The following XIRP2 variants were observed in gnomAD, a reference collection of about 807,000 sequenced individuals.
The protein encoded by XIRP2 is xin actin-binding repeat-containing protein 2.
A neutral mutation model predicts 277.0 loss-of-function variants in XIRP2; 236 were observed. That is an observed-to-expected ratio of 0.85 (90% CI 0.77 to 0.95). XIRP2 has a LOEUF of 0.95. Ranked by LOEUF, XIRP2 falls within the 40% of genes least tolerant of loss-of-function variation. The pLI is 0.00. For synonymous variants in XIRP2, 1,490 were observed against 1,416.5 expected (o/e 1.05, Z -1.17); for missense variants, 4,640 against 4,157.5 (o/e 1.12, Z -3.19).
At chr2:167,188,081 G>T (rs1693217884) in intron 3 of XIRP2, among the ~76,000 whole-genome samples, 1 of 152,146 alleles carries the variant, frequency 6.6e-6, no homozygotes, top group South Asian at 2.1e-4. Flanking sequence ...AAAGAATCAG[G>T]TTCTTACATG....
At chr2:166,900,460 C>T (rs546289597) in intron 1 of XIRP2, among the ~76,000 whole-genome samples, 1 of 151,914 alleles carries the variant, frequency 6.6e-6, no homozygotes, top group African/African-American at 2.4e-5. Context: ...AATTGCAACA[C>T]CTGTATCATG....
chr2:167,157,529 A>G (rs1687015082), intron 3 of XIRP2, among the ~76,000 whole-genome samples: 1 of 151,988 alleles, frequency 6.6e-6, no homozygotes, highest in African/African-American at 2.4e-5. Flanking sequence ...CTTGGAGGCT[A>G]CCCTTTTTCT....
At chr2:167,086,009 C>G (rs1450175124) in intron 2 of XIRP2, among the ~76,000 whole-genome samples, 1 of 151,408 alleles carries the variant, frequency 6.6e-6, no homozygotes, top group Non-Finnish European at 1.5e-5. Context: ...TTATTTTGCT[C>G]GTTAGTTGAT....
At chr2:167,197,960 T>C (rs1693565162) in intron 3 of XIRP2, among the ~76,000 whole-genome samples, 1 of 152,202 alleles carries the variant, frequency 6.6e-6, no homozygotes, top group Non-Finnish European at 1.5e-5. Flanking sequence ...AAGTTTGCCC[T>C]TTAAAAACAG....
chr2:167,060,580 C>T (rs2105239272), intron 2 of XIRP2, among the ~76,000 whole-genome samples: 1 of 152,238 alleles, frequency 6.6e-6, no homozygotes, highest in Admixed American at 6.5e-5. Context: ...ATCCAATTGA[C>T]TCAGTATCAT....
intron 2 of XIRP2, among the ~76,000 whole-genome samples, chr2:167,036,386 G>A (rs1175413730): frequency 6.6e-6 from 1 of 152,230 alleles, no homozygotes; most frequent in Non-Finnish European, 1.5e-5. Context: ...TCTTGCATCA[G>A]CATGGCCTGA....
Position 167,242,973 on chromosome 2 carries a change from T to A in XIRP2, c.1581T>A (p.Ser527Arg). Residue 527 changes from serine (S) to arginine (R), a missense_variant, in exon 9 of 11, where the codon AGT becomes AGA. Physicochemically the swap from Ser to Arg is moderately radical, Grantham distance 110. Transcript: ENST00000409195. ...YISEVSEIVS[S>R]QMNSGSSVSA... ...GTGAAGTTTCTGAGATTGTTTCTAG[T>A]CAAATGAACTCAGGGAGTTCAGTCT... is the stretch of plus-strand genomic sequence containing the variant. 2.5e-6 allele frequency: 4 copies of A among 1,613,888 alleles called. No individual in the cohort carries two copies. The highest frequency in any genetic ancestry group is 3.4e-6 in the Non-Finnish European group (4 of 1,179,910).
At chr2:167,051,811 G>C (rs937110344) in intron 2 of XIRP2, among the ~76,000 whole-genome samples, 1 of 152,084 alleles carries the variant, frequency 6.6e-6, no homozygotes, top group Middle Eastern at 3.4e-3. Flanking sequence ...ATAACCCTCC[G>C]AATGATTCAG....
At chr2:167,002,567 A>C (rs886547363) in intron 2 of XIRP2, among the ~76,000 whole-genome samples, 2 of 151,906 alleles carry the variant, frequency 1.3e-5, no homozygotes, top group Non-Finnish European at 2.9e-5. Flanking sequence ...GTACAACTCA[A>C]GTTTTCTTCT....
intron 2 of XIRP2, among the ~76,000 whole-genome samples, chr2:166,945,891 C>G (rs2105388908): frequency 6.6e-6 from 1 of 152,012 alleles, no homozygotes. Flanking sequence ...CCATGTTGAT[C>G]AGGCTGGTCT....
In XIRP2 at chr2:167,030,761, C is replaced by T. The variant is rs527828568; in HGVS notation, c.409-105148C>T. 1.7e-4 allele frequency among the ~76,000 whole-genome samples: 25 copies of T among 150,994 alleles called. No individual in the cohort carries two copies. The South Asian group carries it at 1.7e-3, about 10-fold the overall frequency. ...CGGAGCTGAGTTCAAGTCCTGAATA[C>T]GGTGATCTGTCTAATATCGACAGTG... is the stretch of plus-strand genomic sequence containing the variant. On this transcript the variant is annotated intron_variant, in intron 2 of 10. Transcript: ENST00000409195.
chr2:166,913,434 C>T (rs1181306612), intron 2 of XIRP2, among the ~76,000 whole-genome samples: 1 of 151,988 alleles, frequency 6.6e-6, no homozygotes, highest in African/African-American at 2.4e-5. Context: ...TCCTGGGGTG[C>T]CATTTGCTCA....
intron 3 of XIRP2, among the ~76,000 whole-genome samples, chr2:167,156,497 TTA>T (rs1435371679): frequency 8.1e-6 from 1 of 123,240 alleles, no homozygotes; most frequent in Non-Finnish European, 1.6e-5. Context: ...GTATCTATAA[TTA>T]AAGTGAATTA....
intron 2 of XIRP2, among the ~76,000 whole-genome samples, chr2:167,117,157 G>A (rs745730886): frequency 1.1e-4 from 17 of 151,870 alleles, no homozygotes; most frequent in African/African-American, 4.1e-4. Flanking sequence ...TCTGATGTTA[G>A]TGATCTTTGG....
intron 7 of XIRP2, among the ~76,000 whole-genome samples, chr2:167,241,128 T>A (rs1042840819): frequency 3.3e-5 from 5 of 152,072 alleles, no homozygotes; most frequent in African/African-American, 1.2e-4. Flanking sequence ...CTCTCCAACC[T>A]GTAGATATGA....
In XIRP2 at chr2:167,189,971, T is replaced by C. The variant is rs116259294; in HGVS notation, c.563-20764T>C. Among the ~76,000 whole-genome samples, 1,048 of 152,290 alleles carry C rather than the reference T, an allele frequency of 6.9e-3. 17 individuals are homozygous for C. Among genetic ancestry groups the C allele is most frequent in the African/African-American group, 0.023 (974 of 41,566 alleles). ...GGGTCCCCACAACTCCCTCCTCAGA[T>C]GATTGGCTAGAATGGCTCACAGAAC... On this transcript the variant is annotated intron_variant, in intron 3 of 10. Transcript: ENST00000409195.
At chr2:167,046,310 T>C (rs2105527515) in intron 2 of XIRP2, among the ~76,000 whole-genome samples, 1 of 152,080 alleles carries the variant, frequency 6.6e-6, no homozygotes, top group South Asian at 2.1e-4. Flanking sequence ...CTCAAGGTAT[T>C]GCCCATTCAC....
At chr2:166,891,724 A>G (rs1214128161) in intron 1 of XIRP2, among the ~76,000 whole-genome samples, 1 of 152,146 alleles carries the variant, frequency 6.6e-6, no homozygotes, top group African/African-American at 2.4e-5. Flanking sequence ...TTTCTTAATC[A>G]CAACAAAAAT....
intron 2 of XIRP2, among the ~76,000 whole-genome samples, chr2:166,919,767 A>C (rs1684988071): frequency 6.6e-6 from 1 of 152,150 alleles, no homozygotes; most frequent in Non-Finnish European, 1.5e-5. Flanking sequence ...ATAAACAAAA[A>C]CCAGGAGCTC....
Sources: gnomAD v4.1 joint callset for allele counts (sites outside exome capture counted in the v4.1 genomes callset) on GRCh38, gnomAD v4.1.1 for gene constraint, MANE v1.5 for transcripts, NCBI Gene and HGNC (gene_info 2026-07-23, HGNC 2026-07-21) for gene names.